The following GRIP1 variants were observed in gnomAD, a reference collection of about 807,000 sequenced individuals.
GRIP1 encodes glutamate receptor interacting protein 1.
In GRIP1, 45 loss-of-function variants were observed where a neutral mutation model predicts 129.9. The ratio of observed to expected loss-of-function variants is 0.35; its 90% CI spans 0.27 to 0.44. The LOEUF (loss-of-function observed/expected upper bound fraction) is 0.44. Ranked by LOEUF, GRIP1 falls within the 20% of genes least tolerant of loss-of-function variation. GRIP1 has a pLI of 1.00. For missense variants in GRIP1, 1,196 were observed against 1,396.8 expected, an observed-to-expected ratio of 0.86 and a Z score of 2.29; for synonymous variants, 530 against 520.8, an observed-to-expected ratio of 1.02 and a Z score of -0.24.
intron 1 of GRIP1, among the ~76,000 whole-genome samples, chr12:67,066,888 T>TA (rs2043635570): frequency 1.1e-4 from 14 of 125,658 alleles, no homozygotes; most frequent in Admixed American, 3.4e-4. Flanking sequence ...AAATATATAT[T>TA]TATATATATA....
chr12:66,637,529 A>T (rs10748057), intron 1 of GRIP1, among the ~76,000 whole-genome samples: 29,772 of 151,726 alleles, frequency 0.2, 3,058 homozygotes, highest in Non-Finnish European at 0.23. Flanking sequence ...TGGTCCAGAA[A>T]TTTTTGTTAA....
intron 19 of GRIP1, among the ~76,000 whole-genome samples, chr12:66,391,469 G>A (rs1216327856): frequency 6.6e-6 from 1 of 152,160 alleles, no homozygotes; most frequent in Non-Finnish European, 1.5e-5. Context: ...GCTTTTTAAT[G>A]TAGATAGTAT....
intron 1 of GRIP1, among the ~76,000 whole-genome samples, chr12:66,861,110 A>C (rs189747992): frequency 1.3e-5 from 2 of 152,246 alleles, no homozygotes; most frequent in Admixed American, 1.3e-4. Context: ...AAGGTCCTTA[A>C]GGAAACATTA....
chr12:66,844,930 A>G (rs2137060007), intron 1 of GRIP1, among the ~76,000 whole-genome samples: 1 of 152,260 alleles, frequency 6.6e-6, no homozygotes, highest in East Asian at 1.9e-4. Context: ...AGAGACAGAA[A>G]ATAGAATGGT....
chr12:66,861,846 G>C (rs1038432370), intron 1 of GRIP1, among the ~76,000 whole-genome samples: 2 of 152,066 alleles, frequency 1.3e-5, no homozygotes, highest in Non-Finnish European at 2.9e-5. Context: ...AAAAGAATAA[G>C]TGGAAAAGAC....
chr12:66,495,908 AGGAGTCCTC>A (rs2060226938), intron 7 of GRIP1, among the ~76,000 whole-genome samples: 1 of 152,222 alleles, frequency 6.6e-6, no homozygotes, highest in African/African-American at 2.4e-5. Flanking sequence ...GTGAAAGCAA[AGGAGTCCTC>A]GGCGGCAGGT....
chr12:66,560,638 T>C (rs1056434105), intron 2 of GRIP1, among the ~76,000 whole-genome samples: 1 of 151,896 alleles, frequency 6.6e-6, no homozygotes, highest in Non-Finnish European at 1.5e-5. Context: ...TATAATAACA[T>C]CTCACCCCAG....
intron 1 of GRIP1, among the ~76,000 whole-genome samples, chr12:67,046,554 C>A (rs2043257477): frequency 6.6e-6 from 1 of 152,144 alleles, no homozygotes; most frequent in Admixed American, 6.6e-5. Flanking sequence ...ATAATCAAAA[C>A]AAAACTTTCT....
intron 24 of GRIP1, among the ~76,000 whole-genome samples, chr12:66,352,008 A>G (rs2054249778): frequency 2.0e-5 from 3 of 152,230 alleles, no homozygotes; most frequent in Admixed American, 2.0e-4. Context: ...TAGGGATTAG[A>G]AGAGCATTCA....
At chr12:66,889,990 T>C (rs570995328) in intron 1 of GRIP1, among the ~76,000 whole-genome samples, 2 of 152,106 alleles carry the variant, frequency 1.3e-5, no homozygotes, top group Admixed American at 1.3e-4. Context: ...AGTGCAGTGG[T>C]GTAATCACGG....
rs200647617 is a variant in GRIP1 at position 66,965,337 on chromosome 12, CT to C, written c.58+103712del. Among the ~76,000 whole-genome samples the C allele has an allele frequency of 4.4e-3, 674 of 152,072 alleles. 4 individuals carry two copies. Among genetic ancestry groups the C allele is most frequent in the African/African-American group, 0.015 (635 of 41,484 alleles). On this transcript the variant is annotated intron_variant, in intron 1 of 1. Coordinates refer to the GRIP1 transcript ENST00000643019. The stretch of plus-strand genomic sequence containing the variant: ...AAGCTCTCTGATTACTCTCTAACAC[CT>C]TTTCTGGTTTTAGGACATTTTCTAA...
intron 1 of GRIP1, among the ~76,000 whole-genome samples, chr12:66,753,085 G>A (rs1363313146): frequency 6.6e-6 from 1 of 152,150 alleles, no homozygotes; most frequent in East Asian, 1.9e-4. Flanking sequence ...CCAATGCTGT[G>A]TATTCTAGCC....
chr12:66,739,758 A>AC (rs2036729399), intron 1 of GRIP1, among the ~76,000 whole-genome samples: 1 of 151,992 alleles, frequency 6.6e-6, no homozygotes, highest in African/African-American at 2.4e-5. Context: ...TAAAAAAAAA[A>AC]AAACCAGTCC....
chr12:66,627,423 T>C (rs1036142968), intron 1 of GRIP1, among the ~76,000 whole-genome samples: 1 of 152,224 alleles, frequency 6.6e-6, no homozygotes, highest in East Asian at 1.9e-4. Context: ...ATCCACAGTA[T>C]GTATTGAATA....
chr12:66,526,527 T>G (rs1377272076), intron 5 of GRIP1, among the ~76,000 whole-genome samples: 2 of 152,044 alleles, frequency 1.3e-5, no homozygotes, highest in African/African-American at 4.8e-5. Flanking sequence ...CAAAAATTAA[T>G]TCAAGATGGA....
At chr12:66,584,079 T>TA (rs1159892808) in intron 2 of GRIP1, among the ~76,000 whole-genome samples, 14 of 149,330 alleles carry the variant, frequency 9.4e-5, no homozygotes, top group African/African-American at 3.5e-4. Context: ...TATGCAGCCA[T>TA]AAAAAAGGAT....
chr12:66,732,953 C>G (rs1338397999), intron 1 of GRIP1, among the ~76,000 whole-genome samples: 1 of 152,104 alleles, frequency 6.6e-6, no homozygotes, highest in Non-Finnish European at 1.5e-5. Context: ...GTGCTAGGCC[C>G]AAATTTTATC....
intron 1 of GRIP1, among the ~76,000 whole-genome samples, chr12:66,723,202 TTTTC>T (rs759526656): frequency 1.7e-5 from 1 of 58,064 alleles, no homozygotes; most frequent in African/African-American, 9.3e-5. Flanking sequence ...TTTCATCTTC[TTTTC>T]TTTCTTTCTT....
intron 7 of GRIP1, among the ~76,000 whole-genome samples, chr12:66,474,248 T>C (rs2059534370): frequency 1.3e-5 from 2 of 151,808 alleles, no homozygotes; most frequent in South Asian, 4.1e-4. Context: ...AAGATCAGCT[T>C]AATGAAATAA....
Sources: allele counts gnomAD v4.1 joint callset (sites outside exome capture counted in the v4.1 genomes callset), GRCh38; gene constraint gnomAD v4.1.1; transcripts MANE v1.5; gene names NCBI Gene and HGNC (gene_info 2026-07-23, HGNC 2026-07-21).